Variants in TJP2 observed in about 807,000 individuals in gnomAD.
The protein encoded by TJP2 is Friedreich ataxia region gene X104 (tight junction protein ZO-2).
Under a neutral mutation model 133.1 loss-of-function variants are expected in TJP2, and 91 were observed. The ratio of observed to expected loss-of-function variants is 0.68; its 90% CI spans 0.58 to 0.81. The LOEUF is 0.81. Among genes scored for constraint, TJP2 ranks in the 40% least tolerant of loss-of-function variants. The probability of loss-of-function intolerance (pLI) is 0.00; values close to 1 mark genes in which losing one functional copy is unlikely to be tolerated. For missense variants in TJP2, 1,541 were observed against 1,565.6 expected, an observed-to-expected ratio of 0.98 and a Z score of 0.26; for synonymous variants, 592 against 583.4, an observed-to-expected ratio of 1.01 and a Z score of -0.21.
At chr9:69,215,129 CACAAGGACAGGA>C (rs1828260174) in intron 2 of TJP2, among the ~76,000 whole-genome samples, 1 of 152,084 alleles carries the variant, frequency 6.6e-6, no homozygotes, top group Admixed American at 6.6e-5. Context: ...TACACACAGA[CACAAGGACAGGA>C]ACAGTAAACA....
Position 69,252,963 on chromosome 9 carries a change from A to G in TJP2, c.3407+63A>G. 3.3e-6 allele frequency: 5 copies of G among 1,515,652 alleles called. 1 individual carries two copies. In the South Asian group the frequency reaches 5.7e-5, roughly 17 times the overall value. The allele number at this position is 1,515,652 out of a possible 1,614,324, so 93.9% of individuals were successfully genotyped here. On this transcript the variant is annotated intron_variant, in intron 22 of 22. Transcript: ENST00000377245. ...ACTTCTCAAGGACTGGGACTTGAAG[A>G]AAGAATTTCCTTTACCCAAATTTCA...
At chr9:69,145,471 G>A in intron 1 of TJP2, 1 of 312,290 alleles carries the variant, frequency 3.2e-6, no homozygotes, top group Non-Finnish European at 5.8e-6. Flanking sequence ...ATTTTCATTA[G>A]TGCTTTATTC....
At chr9:69,222,458 A>T (rs942398728) in intron 5 of TJP2, among the ~76,000 whole-genome samples, 2 of 152,220 alleles carry the variant, frequency 1.3e-5, no homozygotes, top group African/African-American at 4.8e-5. Context: ...GAGCCACCGC[A>T]TCTGGCCGAG....
intron 1 of TJP2, among the ~76,000 whole-genome samples, chr9:69,184,986 GC>G (rs1825757369): frequency 6.6e-6 from 1 of 151,940 alleles, no homozygotes; most frequent in Non-Finnish European, 1.5e-5. Context: ...CTGGGCTCAG[GC>G]GATCCTCCTA....
chr9:69,157,119 G>A (rs570308595), intron 2 of TJP2, among the ~76,000 whole-genome samples: 49 of 152,202 alleles, frequency 3.2e-4, no homozygotes, highest in African/African-American at 1.1e-3. Context: ...AGGGTTCCCC[G>A]GCCAAGGAGG....
At chr9:69,186,552 A>G (rs1825873855) in intron 1 of TJP2, among the ~76,000 whole-genome samples, 1 of 152,232 alleles carries the variant, frequency 6.6e-6, no homozygotes, top group Non-Finnish European at 1.5e-5. Flanking sequence ...CTAACAATGG[A>G]TGTCCAAACA....
At position 69,220,074 on chromosome 9, in the gene TJP2, T is replaced by C. The variant is rs139675095; in HGVS notation, c.343-813T>C. 3.8e-3 allele frequency among the ~76,000 whole-genome samples: 574 copies of C among 152,222 alleles called. 4 individuals carry two copies. Among genetic ancestry groups the C allele is most frequent in the Non-Finnish European group, 5.9e-3 (401 of 68,006 alleles). ...GTGAGGCACGAGAATCGCTTGAACC[T>C]GGGAGGCGGAGGTTGCAGTGAGCTG... is the stretch of plus-strand genomic sequence containing the variant. On this transcript the variant is annotated intron_variant, in intron 4 of 22. Coordinates refer to ENST00000377245, the MANE Select transcript of TJP2 (RefSeq NM_004817.4).
At chr9:69,171,789 A>ATTTTTTTTTTTTTTTTTTTTTT, upstream of TJP2, among the ~76,000 whole-genome samples, 1 of 86,758 alleles carries the variant, frequency 1.2e-5, no homozygotes, top group Non-Finnish European at 2.1e-5. Flanking sequence ...GAGTAGAAGA[A>ATTTTTTTTTTTTTTTTTTTTTT]TTTTTTTTTT....
intron 2 of TJP2, among the ~76,000 whole-genome samples, chr9:69,215,853 T>C (rs1828328597): frequency 6.6e-6 from 1 of 152,154 alleles, no homozygotes; most frequent in South Asian, 2.1e-4. Flanking sequence ...TAGTGAGTAG[T>C]GATCACACCG....
rs1373988760 is a variant in TJP2 at position 69,230,233 on chromosome 9, G to C, written c.1671+1G>C. ...TCAAGAAGGAGACCAGATTCTGAAG[G>C]TAAGAACAGCCCAGCTCTGTTTCTA... On this transcript the variant is annotated splice_donor_variant, in intron 11 of 22. Transcript: ENST00000377245. LOFTEE classifies it high-confidence loss of function. The C allele has an allele frequency of 6.2e-7, 1 of 1,614,128 alleles. No individual in the cohort carries two copies. Among genetic ancestry groups the C allele is most frequent in the Non-Finnish European group, 8.5e-7 (1 of 1,180,006 alleles).
At chr9:69,207,183 A>G (rs984512460) in intron 1 of TJP2, among the ~76,000 whole-genome samples, 3 of 152,190 alleles carry the variant, frequency 2.0e-5, no homozygotes, top group East Asian at 3.9e-4. Context: ...ATTTTTTACT[A>G]TAGTGAAAAA....
intron 1 of TJP2, among the ~76,000 whole-genome samples, chr9:69,176,513 A>G (rs917259877): frequency 2.6e-5 from 4 of 152,170 alleles, no homozygotes; most frequent in African/African-American, 9.7e-5. Flanking sequence ...GGTGGGGGGA[A>G]GTCAGAAATC....
At chr9:69,185,781 A>G (rs60225159) in intron 1 of TJP2, among the ~76,000 whole-genome samples, 2,976 of 152,192 alleles carry the variant, frequency 0.02, 87 homozygotes, top group African/African-American at 0.068. Context: ...TTGTACCTCA[A>G]ATCTCTCGCG....
Position 69,221,097 on chromosome 9 carries a change from C to T in TJP2, c.553C>T (p.Arg185Trp), listed in dbSNP as rs898805899. ...AAGGGGGCGTCCCCATGAGCGGGCC[C>T]GGAGCCGGGAGCGGGACCTCAGCCG... ...PERGRPHERA[R>W]SRERDLSRDR... The change falls in exon 5 of 23, where the codon CGG becomes TGG. Residue 185 changes from arginine to tryptophan, a missense_variant. Physicochemically the swap from Arg to Trp is moderately radical, Grantham distance 101 (BLOSUM62 -3). Coordinates refer to ENST00000377245, the MANE Select transcript of TJP2 (RefSeq NM_004817.4). 1.9e-6 allele frequency: 3 copies of T among 1,584,104 alleles called. No homozygotes were observed. The highest frequency in any genetic ancestry group is 3.6e-5 in the Admixed American group (2 of 55,584).
intron 11 of TJP2, among the ~76,000 whole-genome samples, chr9:69,232,666 T>C (rs1364082984): frequency 2.0e-5 from 3 of 152,348 alleles, no homozygotes; most frequent in Non-Finnish European, 4.4e-5. Context: ...TGTATATTCC[T>C]TATCAATAAT....
chr9:69,170,639 A>T (rs980887721), upstream of TJP2, among the ~76,000 whole-genome samples: 1 of 152,188 alleles, frequency 6.6e-6, no homozygotes, highest in Non-Finnish European at 1.5e-5. Flanking sequence ...CACTTAATGA[A>T]CATCATCAGT....
chr9:69,224,852 T>C (rs1389504676), intron 5 of TJP2, among the ~76,000 whole-genome samples: 3 of 152,166 alleles, frequency 2.0e-5, no homozygotes, highest in East Asian at 1.9e-4. Context: ...TTTGGTACTA[T>C]TTAAGTAAGT....
In TJP2 at chr9:69,254,498, C is replaced by T. The variant is rs757235477; in HGVS notation, c.*124C>T. The T allele has an allele frequency of 8.7e-6, 11 of 1,267,844 alleles. No homozygotes were observed. The highest frequency in any genetic ancestry group is 2.4e-5 in the East Asian group (1 of 40,972). 78.5% of individuals were successfully genotyped at this position (1,267,844 alleles called of 1,614,324 possible). On this transcript the variant is annotated 3_prime_UTR_variant, in exon 23 of 23. Coordinates refer to ENST00000377245, the MANE Select transcript of TJP2 (RefSeq NM_004817.4). The stretch of plus-strand genomic sequence containing the variant: ...ATGGAGACGTGGTGGGACTCCAGCT[C>T]GTGTGTCCTCATGGAGAACCCAGGG...
chr9:69,216,558 GA>G, intron 3 of TJP2, 95 bp downstream of exon 3: 4 of 1,353,052 alleles, frequency 3.0e-6, no homozygotes, highest in South Asian at 2.6e-5. Flanking sequence ...TTAAAAAAAA[GA>G]AAAAAATAAC....
Sources: allele counts gnomAD v4.1 joint callset (sites outside exome capture counted in the v4.1 genomes callset), GRCh38; gene constraint gnomAD v4.1.1; transcripts MANE v1.5; gene names NCBI Gene and HGNC (gene_info 2026-07-23, HGNC 2026-07-21).